Variants in PDE4D observed in about 807,000 individuals in gnomAD.
The protein encoded by PDE4D is phosphodiesterase 4D, also known as 3',5'-cyclic-AMP phosphodiesterase 4D.
In PDE4D, 24 loss-of-function variants were observed where a neutral mutation model predicts 87.4. The observed-to-expected ratio is 0.27, with a 90% confidence interval of 0.20 to 0.39. The LOEUF (loss-of-function observed/expected upper bound fraction) is 0.39, where lower values mean the gene tolerates loss of function less well. Among genes scored for constraint, PDE4D ranks in the 10% least tolerant of loss-of-function variants. PDE4D has a pLI of 1.00. For synonymous variants in PDE4D, 384 were observed against 383.2 expected (o/e 1.00, Z -0.02); for missense variants, 714 against 1,041.0 (o/e 0.69, Z 4.32).
At chr5:59,587,910 T>C (rs1297083470) in intron 1 of PDE4D, among the ~76,000 whole-genome samples, 1 of 151,778 alleles carries the variant, frequency 6.6e-6, no homozygotes, top group Non-Finnish European at 1.5e-5. Context: ...GTTTGCTCGT[T>C]TTCCTTCTTA....
At chr5:60,159,332 A>T (rs1782271358) in intron 2 of PDE4D, among the ~76,000 whole-genome samples, 1 of 152,148 alleles carries the variant, frequency 6.6e-6, no homozygotes, top group Non-Finnish European at 1.5e-5. Flanking sequence ...TGTAAGTAGG[A>T]GTACACACTA....
intron 6 of PDE4D, among the ~76,000 whole-genome samples, chr5:59,036,617 A>G (rs1377594123): frequency 6.6e-6 from 1 of 152,210 alleles, no homozygotes; most frequent in Non-Finnish European, 1.5e-5. Flanking sequence ...GTAACTTTAC[A>G]ACCTTTAGCA....
chr5:60,077,552 C>G (rs756668777), intron 2 of PDE4D, among the ~76,000 whole-genome samples: 15 of 152,128 alleles, frequency 9.9e-5, no homozygotes, highest in Non-Finnish European at 1.5e-4. Flanking sequence ...CCTGGAGAGG[C>G]CAGCAGACCA....
chr5:59,656,225 T>TCA (rs1353132880), intron 1 of PDE4D, among the ~76,000 whole-genome samples: 2 of 151,998 alleles, frequency 1.3e-5, no homozygotes, highest in African/African-American at 2.4e-5. Flanking sequence ...TATACACACA[T>TCA]CACACACAGA....
At chr5:59,487,499 C>T (rs1805363790) in intron 1 of PDE4D, among the ~76,000 whole-genome samples, 2 of 152,176 alleles carry the variant, frequency 1.3e-5, no homozygotes, top group South Asian at 2.1e-4. Context: ...TACTTAAATT[C>T]AGCTTCCTCA....
At chr5:59,172,434 C>T (rs1232564625) in intron 5 of PDE4D, among the ~76,000 whole-genome samples, 3 of 144,866 alleles carry the variant, frequency 2.1e-5, no homozygotes, top group African/African-American at 7.6e-5. Flanking sequence ...GTGGCTCATG[C>T]CTATAATCCC....
At chr5:60,516,850 C>T (rs1055936015) in intron 1 of PDE4D, among the ~76,000 whole-genome samples, 3 of 152,182 alleles carry the variant, frequency 2.0e-5, no homozygotes, top group African/African-American at 7.2e-5. Flanking sequence ...AGGCAAGGCG[C>T]AGCCAGGGCT....
At chr5:59,776,924 G>A (rs2152619197) in intron 1 of PDE4D, among the ~76,000 whole-genome samples, 1 of 151,836 alleles carries the variant, frequency 6.6e-6, no homozygotes, top group Non-Finnish European at 1.5e-5. Flanking sequence ...ACAACTAAAT[G>A]GGGCTCCTCA....
intron 2 of PDE4D, among the ~76,000 whole-genome samples, chr5:60,062,329 C>T (rs570624160): frequency 4.1e-4 from 62 of 152,220 alleles, no homozygotes; most frequent in African/African-American, 1.5e-3. Context: ...CATCACTGAT[C>T]ATTAAAGAAA....
intron 6 of PDE4D, 45 bp downstream of exon 6, chr5:59,038,814 A>T: frequency 7.0e-7 from 1 of 1,424,670 alleles, no homozygotes; most frequent in Non-Finnish European, 9.2e-7. Flanking sequence ...CCGGCATGGG[A>T]ATCAGCAGCC....
chr5:60,461,629 T>C (rs529749013), intron 1 of PDE4D, among the ~76,000 whole-genome samples: 1 of 152,334 alleles, frequency 6.6e-6, no homozygotes, highest in South Asian at 2.1e-4. Flanking sequence ...ACAGAGGGAA[T>C]GGCTGAGCAA....
intron 1 of PDE4D, among the ~76,000 whole-genome samples, chr5:59,602,060 A>G (rs906442403): frequency 2.6e-5 from 4 of 152,138 alleles, no homozygotes; most frequent in Admixed American, 2.6e-4. Flanking sequence ...CACAATAAAA[A>G]GACTGTTCAC....
At chr5:59,864,208 CT>C (rs1243267362) in intron 1 of PDE4D, among the ~76,000 whole-genome samples, 2 of 152,102 alleles carry the variant, frequency 1.3e-5, no homozygotes, top group Non-Finnish European at 2.9e-5. Context: ...CCAGGGGATG[CT>C]GAGCAGTGGT....
chr5:59,200,070 C>T (rs373907618), intron 2 of PDE4D, among the ~76,000 whole-genome samples: 124 of 77,134 alleles, frequency 1.6e-3, no homozygotes, highest in East Asian at 3.3e-3. Flanking sequence ...TGTACACACA[C>T]GTATGCACAC....
At chr5:59,171,951 AATT>A (rs1279444622) in intron 5 of PDE4D, among the ~76,000 whole-genome samples, 4 of 110,056 alleles carry the variant, frequency 3.6e-5, no homozygotes, top group Non-Finnish European at 6.7e-5. Flanking sequence ...TTTATATGAG[AATT>A]ATATTTATAT....
At position 59,953,043 on chromosome 5, in the gene PDE4D, C is replaced by T. The variant is rs559231032; in HGVS notation, c.272+35445G>A. Among the ~76,000 whole-genome samples, 3 of 152,186 alleles carry T rather than the reference C, an allele frequency of 2.0e-5. No individual in the cohort carries two copies. In the East Asian group the frequency reaches 5.8e-4, roughly 29 times the overall value. On this transcript the variant is annotated intron_variant, in intron 3 of 16. Transcript: ENST00000502484. ...ATCCCCTTAAAAAGGAACTCCATGA[C>T]CGTATATTACTCTTATCTTCTACTT...
At chr5:60,320,040 A>T (rs1756072478) in intron 1 of PDE4D, among the ~76,000 whole-genome samples, 1 of 152,166 alleles carries the variant, frequency 6.6e-6, no homozygotes, top group Non-Finnish European at 1.5e-5. Context: ...TCTGCAGAGG[A>T]TTCTGCTGCC....
chr5:59,357,333 CAA>C (rs1781551760), intron 1 of PDE4D, among the ~76,000 whole-genome samples: 1 of 152,160 alleles, frequency 6.6e-6, no homozygotes, highest in South Asian at 2.1e-4. Flanking sequence ...GGTCATCTGA[CAA>C]AGATTACTAA....
At chr5:60,196,148 T>C (rs923378718) in intron 1 of PDE4D, among the ~76,000 whole-genome samples, 3 of 151,702 alleles carry the variant, frequency 2.0e-5, no homozygotes, top group African/African-American at 7.2e-5. Flanking sequence ...GCTCCCCAAA[T>C]AGCCTAATTC....
Sources: allele counts gnomAD v4.1 joint callset (sites outside exome capture counted in the v4.1 genomes callset), GRCh38; gene constraint gnomAD v4.1.1; transcripts MANE v1.5; gene names NCBI Gene and HGNC (gene_info 2026-07-23, HGNC 2026-07-21).